The following GALNTL6 variants were observed in gnomAD, a reference collection of about 807,000 sequenced individuals.
GALNTL6 encodes the protein polypeptide N-acetylgalactosaminyltransferase like 6.
A neutral mutation model predicts 73.7 loss-of-function variants in GALNTL6; 46 were observed. That is an observed-to-expected ratio of 0.62 (90% CI 0.49 to 0.80). The LOEUF is 0.80. Ranked by LOEUF, GALNTL6 falls within the 30% of genes least tolerant of loss-of-function variation. The pLI is 0.00. For missense variants in GALNTL6, 604 were observed against 755.0 expected (o/e 0.80, Z 2.34); for synonymous variants, 259 against 263.7 (o/e 0.98, Z 0.17).
chr4:172,781,939 AT>A (rs1336946246), intron 5 of GALNTL6, among the ~76,000 whole-genome samples: 1 of 151,134 alleles, frequency 6.6e-6, no homozygotes, highest in Non-Finnish European at 1.5e-5. Flanking sequence ...ATATTTAAAA[AT>A]ATATAAGTAT....
intron 5 of GALNTL6, among the ~76,000 whole-genome samples, chr4:172,609,621 C>CTGTGTG (rs1295603452): frequency 1.2e-3 from 32 of 27,476 alleles, no homozygotes; most frequent in East Asian, 6.3e-3. Flanking sequence ...CTCTCTCTCT[C>CTGTGTG]TCTCTGTGTG....
At chr4:172,746,628 A>T (rs1318176602) in intron 5 of GALNTL6, among the ~76,000 whole-genome samples, 7 of 152,062 alleles carry the variant, frequency 4.6e-5, no homozygotes, top group African/African-American at 1.7e-4. Flanking sequence ...TAGTGGACAT[A>T]ATGTGGGTTT....
chr4:172,544,005 A>T (rs189664574), intron 5 of GALNTL6, among the ~76,000 whole-genome samples: 138 of 152,304 alleles, frequency 9.1e-4, no homozygotes, highest in African/African-American at 3.2e-3. Flanking sequence ...TGATGCAAAA[A>T]TAGAGAAGTA....
chr4:171,928,348 A>C (rs1029800573), intron 2 of GALNTL6, among the ~76,000 whole-genome samples: 3 of 152,218 alleles, frequency 2.0e-5, no homozygotes, highest in African/African-American at 7.2e-5. Flanking sequence ...ATCACTTAAC[A>C]GTAACGATGG....
chr4:172,002,788 TC>T (rs1441298638), intron 2 of GALNTL6, among the ~76,000 whole-genome samples: 1 of 152,094 alleles, frequency 6.6e-6, no homozygotes, highest in Non-Finnish European at 1.5e-5. Context: ...ATACTTTGAT[TC>T]CCTTCACATC....
chr4:172,145,231 C>T (rs1733898173), intron 2 of GALNTL6, among the ~76,000 whole-genome samples: 1 of 152,030 alleles, frequency 6.6e-6, no homozygotes, highest in African/African-American at 2.4e-5. Context: ...GCTCCACCTC[C>T]TGGGTTCACG....
chr4:172,128,864 G>A (rs1180994962), intron 2 of GALNTL6, among the ~76,000 whole-genome samples: 1 of 152,114 alleles, frequency 6.6e-6, no homozygotes, highest in Non-Finnish European at 1.5e-5. Context: ...CTCCTATGTG[G>A]CAGGGAAAGT....
intron 2 of GALNTL6, among the ~76,000 whole-genome samples, chr4:171,999,310 C>T (rs35353338): frequency 3.3e-5 from 5 of 152,146 alleles, no homozygotes; most frequent in African/African-American, 7.2e-5. Flanking sequence ...ATGTAACTTG[C>T]GTTTAAATTT....
rs553479049 is a variant in GALNTL6, at chr4:171,814,793, G to T, written c.138+75G>T. 31 of 1,488,604 alleles carry T rather than the reference G, an allele frequency of 2.1e-5. No individual in the cohort carries two copies. The East Asian group carries it at 6.8e-4, about 33-fold the overall frequency. The allele number at this position is 1,488,604 out of a possible 1,614,324, so 92.2% of individuals were successfully genotyped here. On this transcript the variant is annotated intron_variant, in intron 2 of 12. Coordinates refer to ENST00000506823, the MANE Select transcript of GALNTL6 (RefSeq NM_001034845.3). ...CCTCGCGCGGGGACTCGAGAAAGCCGGTGTGGGATCGCCTTGGGTTTTCCC... is the reference window on the plus strand; with the variant it reads ...CCTCGCGCGGGGACTCGAGAAAGCCTGTGTGGGATCGCCTTGGGTTTTCCC...
chr4:172,078,506 T>C (rs980366720), intron 2 of GALNTL6, among the ~76,000 whole-genome samples: 6 of 152,172 alleles, frequency 3.9e-5, no homozygotes, highest in African/African-American at 7.2e-5. Flanking sequence ...TAGAATTTTA[T>C]TTATTGATAT....
chr4:172,167,965 CAAAAA>C (rs70941387), intron 2 of GALNTL6, among the ~76,000 whole-genome samples: 3 of 113,960 alleles, frequency 2.6e-5, no homozygotes, highest in African/African-American at 3.3e-5. Context: ...GACTCCGTCT[CAAAAA>C]AAAAAAAAAA....
chr4:172,378,862 A>G (rs1437610831), intron 5 of GALNTL6, among the ~76,000 whole-genome samples: 2 of 152,182 alleles, frequency 1.3e-5, no homozygotes, highest in Non-Finnish European at 2.9e-5. Flanking sequence ...AAATGATTAT[A>G]GAAGTTAATT....
chr4:172,872,278 T>C (rs146466857), intron 7 of GALNTL6, among the ~76,000 whole-genome samples: 3 of 152,326 alleles, frequency 2.0e-5, no homozygotes, highest in African/African-American at 7.2e-5. Context: ...GAGAAACTAA[T>C]TTTTTTCCTC....
chr4:171,954,024 C>T (rs1447477114), intron 2 of GALNTL6, among the ~76,000 whole-genome samples: 1 of 152,056 alleles, frequency 6.6e-6, no homozygotes, highest in African/African-American at 2.4e-5. Flanking sequence ...GATGTGCAAA[C>T]CTTATGGACC....
At chr4:172,557,253 A>G (rs1037728818) in intron 5 of GALNTL6, among the ~76,000 whole-genome samples, 2 of 152,168 alleles carry the variant, frequency 1.3e-5, no homozygotes, top group African/African-American at 4.8e-5. Flanking sequence ...TCATCTGTCA[A>G]GTGAAAGTAC....
At chr4:172,673,720 A>T (rs777520302) in intron 5 of GALNTL6, among the ~76,000 whole-genome samples, 3 of 152,174 alleles carry the variant, frequency 2.0e-5, no homozygotes, top group Non-Finnish European at 4.4e-5. Flanking sequence ...CTTTATTGTT[A>T]TGTAATGTCC....
At chr4:172,107,906 C>G (rs770271975) in intron 2 of GALNTL6, among the ~76,000 whole-genome samples, 1 of 152,058 alleles carries the variant, frequency 6.6e-6, no homozygotes, top group Non-Finnish European at 1.5e-5. Flanking sequence ...ATTGACTTTT[C>G]AATACCATTT....
intron 2 of GALNTL6, among the ~76,000 whole-genome samples, chr4:172,131,582 T>C (rs1733500093): frequency 6.6e-6 from 1 of 151,506 alleles, no homozygotes; most frequent in Non-Finnish European, 1.5e-5. Context: ...ATTCATGCTG[T>C]CTGCTTCTTT....
chr4:172,098,533 T>C lies in GALNTL6; in HGVS notation c.139-131123T>C, dbSNP rs563316029. ...GGATTTTTATCTGATATGAGTTCTC[T>C]GGGTTGTTGGGTTGTTTCATTATGC... On this transcript the variant is annotated intron_variant, in intron 2 of 12. Coordinates refer to ENST00000506823, the MANE Select transcript of GALNTL6 (RefSeq NM_001034845.3). Among the ~76,000 whole-genome samples, 38 of 152,244 alleles carry C rather than the reference T, an allele frequency of 2.5e-4. 1 individual carries two copies. In the South Asian group the frequency reaches 7.9e-3, roughly 32 times the overall value.
Sources: allele counts gnomAD v4.1 joint callset (sites outside exome capture counted in the v4.1 genomes callset), GRCh38; gene constraint gnomAD v4.1.1; transcripts MANE v1.5; gene names NCBI Gene and HGNC (gene_info 2026-07-23, HGNC 2026-07-21).